BCAS3: variants seen among roughly 807,000 people sequenced by gnomAD.
The protein encoded by BCAS3 is BCAS3 microtubule associated cell migration factor.
BCAS3 carries 53 observed loss-of-function variants against 116.1 expected under a neutral mutation model. The observed-to-expected ratio is 0.46, with a 90% CI of 0.37 to 0.57. The LOEUF (loss-of-function observed/expected upper bound fraction) is 0.57. Ranked by LOEUF, BCAS3 falls within the 20% of genes least tolerant of loss-of-function variation. The pLI is 0.00. For synonymous variants in BCAS3, 391 were observed against 408.2 expected, an observed-to-expected ratio of 0.96 and a Z score of 0.51; for missense variants, 917 against 1,165.4, an observed-to-expected ratio of 0.79 and a Z score of 3.10.
intron 22 of BCAS3, among the ~76,000 whole-genome samples, chr17:61,173,556 T>C (rs1385079150): frequency 1.3e-5 from 2 of 151,878 alleles, no homozygotes; most frequent in African/African-American, 4.8e-5. Flanking sequence ...AAAATGCCTA[T>C]ATTAGAAAAG....
At chr17:61,143,186 A>G (rs1437269439) in intron 22 of BCAS3, among the ~76,000 whole-genome samples, 3 of 152,158 alleles carry the variant, frequency 2.0e-5, no homozygotes, top group Non-Finnish European at 2.9e-5. Flanking sequence ...TCTTGTTAGT[A>G]AAAAACATTG....
rs2061569428 is a variant in BCAS3, at chr17:60,964,669, G to T, written c.1221+17317G>T. On this transcript the variant is annotated intron_variant, in intron 14 of 23. Transcript: ENST00000407086. This position sits in a 1 kb window ranked among gnomAD's most constrained non-coding sequence, Gnocchi z 4.6. ...TCAGCAGTGAAGTTGTGAAGTCCTG[G>T]GATTTTCTTGCTTTTTATGGAGGCT... is the stretch of plus-strand genomic sequence containing the variant. Among the ~76,000 whole-genome samples the T allele has an allele frequency of 6.6e-6, 1 of 151,978 alleles. No individual in the cohort carries two copies. Among genetic ancestry groups the T allele is most frequent in the South Asian group, 2.1e-4 (1 of 4,810 alleles).
chr17:60,797,850 G>T (rs537944196), intron 6 of BCAS3, among the ~76,000 whole-genome samples: 95 of 152,174 alleles, frequency 6.2e-4, no homozygotes, highest in African/African-American at 2.1e-3. Context: ...TTCCCAGCCT[G>T]GGCAACATGG....
rs2048764020 is a variant in BCAS3 at position 61,256,239 on chromosome 17, G to A, written c.2426-112088G>A. Among the ~76,000 whole-genome samples the A allele has an allele frequency of 6.6e-6, 1 of 150,380 alleles. No individual in the cohort carries two copies. Among genetic ancestry groups the A allele is most frequent in the Non-Finnish European group, 1.5e-5 (1 of 67,488 alleles). ...CAAGCCTTCCATCTTCAAGCCAAGAGGTAGTTTGGTTTTTGTTTGTTTGTT... is the reference window on the plus strand; with the variant it reads ...CAAGCCTTCCATCTTCAAGCCAAGAAGTAGTTTGGTTTTTGTTTGTTTGTT... On this transcript the variant is annotated intron_variant, in intron 22 of 23. Coordinates refer to ENST00000407086, the MANE Select transcript of BCAS3 (RefSeq NM_017679.5). The surrounding 1 kb of genome is among the most constrained non-coding windows in gnomAD (Gnocchi z 5.6).
chr17:60,942,433 A>AAAAAC (rs561377242), intron 13 of BCAS3, among the ~76,000 whole-genome samples: 4,753 of 152,138 alleles, frequency 0.031, 83 homozygotes, highest in Non-Finnish European at 0.044. Context: ...ATCTCCAAAC[A>AAAAAC]AAAACAAAAC....
intron 22 of BCAS3, among the ~76,000 whole-genome samples, chr17:61,308,382 C>T (rs1489054835): frequency 6.6e-6 from 1 of 151,226 alleles, no homozygotes; most frequent in Non-Finnish European, 1.5e-5. Context: ...ACCCCATCCC[C>T]CTCACCGCCC....
At chr17:61,338,889 A>AG (rs1568889303) in intron 22 of BCAS3, among the ~76,000 whole-genome samples, 19 of 19,456 alleles carry the variant, frequency 9.8e-4, no homozygotes, top group African/African-American at 2.2e-3. Context: ...CCTTACTGGG[A>AG]AAAAAAAAAA....
intron 7 of BCAS3, among the ~76,000 whole-genome samples, chr17:60,843,677 A>G (rs2144771288): frequency 6.6e-6 from 1 of 152,304 alleles, no homozygotes; most frequent in Admixed American, 6.5e-5. Context: ...TATATTAGCT[A>G]TTTAAAGAAA....
At chr17:60,826,104 C>G (rs1003248782) in intron 7 of BCAS3, among the ~76,000 whole-genome samples, 2 of 151,984 alleles carry the variant, frequency 1.3e-5, no homozygotes, top group African/African-American at 4.8e-5. Flanking sequence ...TCGTGATCCT[C>G]CTTCCTTGGC....
chr17:60,977,158 C>G (rs576793594), intron 14 of BCAS3, among the ~76,000 whole-genome samples: 2 of 152,088 alleles, frequency 1.3e-5, no homozygotes, highest in South Asian at 2.1e-4. Flanking sequence ...GGCTGCCCCC[C>G]ACGAAACAAT....
rs145738334 is a variant in BCAS3 at position 60,817,906 on chromosome 17, G to C, written c.476+9830G>C. On this transcript the variant is annotated intron_variant, in intron 7 of 23. Transcript: ENST00000407086. ...GTCTCACTCTGTCACCCAGGCTGGA[G>C]TGCAGTGGCGTGATCTTGGCTCACT... Among the ~76,000 whole-genome samples the C allele has an allele frequency of 1.5e-3, 221 of 150,190 alleles. 1 individual carries two copies. Among genetic ancestry groups the C allele is most frequent in the African/African-American group, 5.3e-3 (214 of 40,634 alleles).
chr17:60,783,754 C>T (rs1172455226), intron 6 of BCAS3, among the ~76,000 whole-genome samples: 1 of 152,046 alleles, frequency 6.6e-6, no homozygotes, highest in Non-Finnish European at 1.5e-5. Context: ...TTTTCCTGGG[C>T]ATATTTGTTC....
chr17:60,892,026 A>G (rs755566851), intron 10 of BCAS3, among the ~76,000 whole-genome samples: 12 of 152,068 alleles, frequency 7.9e-5, no homozygotes, highest in Non-Finnish European at 1.8e-4. Flanking sequence ...GTATAACCAT[A>G]TTTTCTTTAT....
chr17:61,205,226 A>G lies in BCAS3; in HGVS notation c.2425+120662A>G, dbSNP rs1304985244. Among the ~76,000 whole-genome samples, 1 of 152,228 alleles carries G rather than the reference A, an allele frequency of 6.6e-6. No homozygotes were observed. Among genetic ancestry groups the G allele is most frequent in the African/African-American group, 2.4e-5 (1 of 41,456 alleles). On this transcript the variant is annotated intron_variant, in intron 22 of 23. Transcript: ENST00000407086. This position sits in a 1 kb window ranked among gnomAD's most constrained non-coding sequence, Gnocchi z 5.2. The stretch of plus-strand genomic sequence containing the variant: ...TTTCTGTCTTCTAGAGCCAGAACAG[A>G]CAGAATATATCCTAAATTGGATACA...
At chr17:61,375,218 T>TTGTGTGTGTGTGTGTG (rs59961930) in intron 23 of BCAS3, among the ~76,000 whole-genome samples, 33 of 142,678 alleles carry the variant, frequency 2.3e-4, no homozygotes, top group Admixed American at 4.8e-4. Flanking sequence ...AAAGCACTAT[T>TTGTGTGTGTGTGTGTG]TGTGTGTGTG....
chr17:61,050,679 G>C (rs151321937), intron 19 of BCAS3, among the ~76,000 whole-genome samples: 1 of 151,850 alleles, frequency 6.6e-6, no homozygotes, highest in African/African-American at 2.4e-5. Flanking sequence ...AGTTATAAAC[G>C]GACATTCTAA....
chr17:61,174,674 G>A (rs1260167449), intron 22 of BCAS3, among the ~76,000 whole-genome samples: 1 of 152,104 alleles, frequency 6.6e-6, no homozygotes, highest in Admixed American at 6.5e-5. Flanking sequence ...TATATACCCA[G>A]TTTCAGGATT....
chr17:61,067,109 T>C (rs2143363836), intron 19 of BCAS3, among the ~76,000 whole-genome samples: 1 of 151,290 alleles, frequency 6.6e-6, no homozygotes, highest in Non-Finnish European at 1.5e-5. Context: ...AGAAGGCATC[T>C]AAAAATTCAA....
At chr17:60,775,449 A>ATTTAAACTATCTTTTTGGCATCTACTG (rs2045184948) in intron 6 of BCAS3, among the ~76,000 whole-genome samples, 1 of 152,140 alleles carries the variant, frequency 6.6e-6, no homozygotes, top group East Asian at 1.9e-4. Flanking sequence ...CCATGTTATC[A>ATTTAAACTATCTTTTTGGCATCTACTG]TTTAAACTAT....
Sources: allele counts gnomAD v4.1 joint callset (sites outside exome capture counted in the v4.1 genomes callset), GRCh38; gene constraint gnomAD v4.1.1; non-coding constraint Gnocchi (gnomAD v3.1); transcripts MANE v1.5; gene names NCBI Gene and HGNC (gene_info 2026-07-23, HGNC 2026-07-21).